Variants in PDE7B observed in about 807,000 individuals in gnomAD.
PDE7B encodes the protein 3',5'-cyclic-AMP phosphodiesterase 7B.
A neutral mutation model predicts 56.2 loss-of-function variants in PDE7B; 29 were observed. The observed-to-expected ratio is 0.52, with a 90% CI of 0.38 to 0.70. The LOEUF (loss-of-function observed/expected upper bound fraction) is 0.70, where lower values mean the gene tolerates loss of function less well. Among genes scored for constraint, PDE7B ranks in the 30% least tolerant of loss-of-function variants. The pLI is 0.00. For synonymous variants in PDE7B, 197 were observed against 196.9 expected, an observed-to-expected ratio of 1.00 and a Z score of 0.00; for missense variants, 490 against 565.0, an observed-to-expected ratio of 0.87 and a Z score of 1.35.
In PDE7B at chr6:135,931,618, A is replaced by G. The variant is rs542476466; in HGVS notation, c.22-15846A>G. On this transcript the variant is annotated intron_variant, in intron 1 of 12. Coordinates refer to ENST00000308191, the MANE Select transcript of PDE7B (RefSeq NM_018945.4). ...TTTTTCCCAGAAATAAAAACAATGG[A>G]ATATATTATGGGAAGTGTTACAAGG... Among the ~76,000 whole-genome samples the G allele has an allele frequency of 2.6e-5, 4 of 152,298 alleles. No homozygotes were observed. The South Asian group carries it at 8.3e-4, about 32-fold the overall frequency.
intron 4 of PDE7B, 132 bp downstream of exon 4, chr6:136,147,634 T>G: frequency 1.6e-6 from 1 of 620,488 alleles, no homozygotes; most frequent in Non-Finnish European, 2.8e-6. Context: ...ATTCCATACA[T>G]CTGGACTTGT....
At chr6:136,176,593 G>C (rs976792367) in intron 9 of PDE7B, among the ~76,000 whole-genome samples, 1 of 151,882 alleles carries the variant, frequency 6.6e-6, no homozygotes, top group Non-Finnish European at 1.5e-5. Flanking sequence ...AATAGAATAC[G>C]CATCCTTGTA....
At chr6:136,161,760 C>T (rs1447176777) in intron 8 of PDE7B, among the ~76,000 whole-genome samples, 2 of 152,122 alleles carry the variant, frequency 1.3e-5, no homozygotes. Context: ...ACTTTTGTAG[C>T]TACTGAACTT....
Position 136,191,658 on chromosome 6 carries a change from C to T in PDE7B, c.1171C>T (p.His391Tyr). Residue 391 changes from histidine (H) to tyrosine (Y), a missense_variant, in exon 13 of 13, where the codon CAT (histidine) becomes TAT (tyrosine). His to Tyr is a moderately conservative substitution (Grantham distance 83). Coordinates refer to ENST00000308191, the MANE Select transcript of PDE7B (RefSeq NM_018945.4). ...GGAGCCGCTCTTCCGGGAATGGGCCCATTTCACGGGTAACAGCACCCTGTC... is the reference window on the plus strand; with the variant it reads ...GGAGCCGCTCTTCCGGGAATGGGCCTATTTCACGGGTAACAGCACCCTGTC... ...IVEPLFREWA[H>Y]FTGNSTLSEN... 1 of 1,614,132 alleles carries T rather than the reference C, an allele frequency of 6.2e-7. No individual in the cohort carries two copies. The highest frequency in any genetic ancestry group is 8.5e-7 in the Non-Finnish European group (1 of 1,180,002).
rs533042295 is a variant in PDE7B, at chr6:135,885,449, A to C, written c.21+33430A>C. ...GTCCATTCTACACTCAAATGTTTGA[A>C]ATACCACTCTTCCCACATCAACATG... On this transcript the variant is annotated intron_variant, in intron 1 of 12. Coordinates refer to ENST00000308191, the MANE Select transcript of PDE7B (RefSeq NM_018945.4). 7.7e-4 allele frequency among the ~76,000 whole-genome samples: 117 copies of C among 152,244 alleles called. 1 individual carries two copies. The highest frequency in any genetic ancestry group is 1.1e-3 in the Non-Finnish European group (78 of 68,010).
At chr6:136,108,909 G>T (rs1756679919) in intron 3 of PDE7B, 95 bp downstream of exon 3, 1 of 809,758 alleles carries the variant, frequency 1.2e-6, no homozygotes. Flanking sequence ...AACCTTCTGG[G>T]GTCTGCCTTC....
chr6:136,115,529 A>T (rs977790688), intron 3 of PDE7B, among the ~76,000 whole-genome samples: 1 of 152,216 alleles, frequency 6.6e-6, no homozygotes, highest in Non-Finnish European at 1.5e-5. Flanking sequence ...AAATTATACA[A>T]CATATGTCTG....
Position 136,181,241 on chromosome 6 carries a change from T to C in PDE7B, c.963T>C (p.Cys321=). The C allele has an allele frequency of 6.2e-7, 1 of 1,613,384 alleles. No individual in the cohort carries two copies. Among genetic ancestry groups the C allele is most frequent in the Non-Finnish European group, 8.5e-7 (1 of 1,179,322 alleles). Residue 321 remains cysteine (C), a synonymous_variant, in exon 11 of 13, where the codon TGT becomes TGC. Coordinates refer to ENST00000308191, the MANE Select transcript of PDE7B (RefSeq NM_018945.4). ...RHFMLQIALK[C]ADICNPCRIW... Reference sequence around the variant, plus strand: ...TCATTTCTCAGATCGCCTTGAAGTGTGCTGACATTTGCAATCCTTGTAGAA... The same window carrying C: ...TCATTTCTCAGATCGCCTTGAAGTGCGCTGACATTTGCAATCCTTGTAGAA...
intron 7 of PDE7B, among the ~76,000 whole-genome samples, chr6:136,155,235 G>T (rs1166386010): frequency 6.6e-6 from 1 of 152,106 alleles, no homozygotes; most frequent in Non-Finnish European, 1.5e-5. Flanking sequence ...TTTTAAGTAG[G>T]TCCATCATGT....
chr6:136,148,939 T>C (rs544174107), intron 4 of PDE7B, 148 bp from the exon 5 acceptor site: 3 of 614,780 alleles, frequency 4.9e-6, no homozygotes, highest in African/African-American at 3.7e-5. Context: ...GATTTTATTG[T>C]AGGACATAGG....
chr6:135,905,348 ATGTGTGTG>A (rs71682918), intron 1 of PDE7B, among the ~76,000 whole-genome samples: 1,604 of 148,228 alleles, frequency 0.011, 29 homozygotes, highest in African/African-American at 0.035. Flanking sequence ...GTGTGTGTGT[ATGTGTGTG>A]TGTGTGTGTG....
Position 136,018,954 on chromosome 6 carries a change from C to T in PDE7B, c.82+71430C>T, listed in dbSNP as rs910764150. 2.6e-5 allele frequency among the ~76,000 whole-genome samples: 4 copies of T among 152,054 alleles called. No individual in the cohort carries two copies. In the South Asian group the frequency reaches 8.3e-4, roughly 32 times the overall value. On this transcript the variant is annotated intron_variant, in intron 2 of 12. Transcript: ENST00000308191. ...TGTTCAGCAGTGTATGACTGGGCTTCCCCCTTCCCTCTCTCCCCGACTAAG... is the reference window on the plus strand; with the variant it reads ...TGTTCAGCAGTGTATGACTGGGCTTTCCCCTTCCCTCTCTCCCCGACTAAG...
At chr6:135,889,804 T>C (rs1307167049) in intron 1 of PDE7B, among the ~76,000 whole-genome samples, 1 of 117,280 alleles carries the variant, frequency 8.5e-6, no homozygotes, top group East Asian at 2.5e-4. Flanking sequence ...CACCCGGGAG[T>C]GCAAATGACG....
At chr6:135,922,715 G>A (rs1774108976) in intron 1 of PDE7B, among the ~76,000 whole-genome samples, 1 of 152,142 alleles carries the variant, frequency 6.6e-6, no homozygotes, top group Non-Finnish European at 1.5e-5. Flanking sequence ...CACACATGGA[G>A]AAAATCAAAG....
intron 2 of PDE7B, among the ~76,000 whole-genome samples, chr6:135,957,330 A>T (rs1055696951): frequency 6.6e-6 from 1 of 151,042 alleles, no homozygotes; most frequent in African/African-American, 2.5e-5. Context: ...GAGGTGTTTA[A>T]AAAAATGTGG....
chr6:135,992,796 CT>C (rs1775498427), intron 2 of PDE7B, among the ~76,000 whole-genome samples: 1 of 152,162 alleles, frequency 6.6e-6, no homozygotes, highest in South Asian at 2.1e-4. Context: ...ACTTAATAAA[CT>C]TCAAAGTAAC....
chr6:135,916,789 G>T (rs1773958404), intron 1 of PDE7B, among the ~76,000 whole-genome samples: 1 of 152,010 alleles, frequency 6.6e-6, no homozygotes. Flanking sequence ...CAATTTCATT[G>T]TCAGATATAT....
At chr6:136,069,305 T>C (rs1399270963) in intron 2 of PDE7B, among the ~76,000 whole-genome samples, 1 of 152,204 alleles carries the variant, frequency 6.6e-6, no homozygotes, top group East Asian at 1.9e-4. Context: ...GAAAACACTC[T>C]CAGCATGCAG....
intron 2 of PDE7B, chr6:136,037,345 A>G (rs1399570203): frequency 9.5e-6 from 8 of 839,828 alleles, no homozygotes; most frequent in Non-Finnish European, 1.0e-5. Context: ...ATGTGATTCA[A>G]TGTTATTTCC....
Sources: allele counts gnomAD v4.1 joint callset (sites outside exome capture counted in the v4.1 genomes callset), GRCh38; gene constraint gnomAD v4.1.1; transcripts MANE v1.5; gene names NCBI Gene and HGNC (gene_info 2026-07-23, HGNC 2026-07-21).